Variants in CEP250 observed in about 807,000 individuals in gnomAD.
The protein encoded by CEP250 is centrosomal protein 250, also known as centrosome-associated protein CEP250.
In CEP250, 242 loss-of-function variants were observed where a neutral mutation model predicts 315.7. The ratio of observed to expected loss-of-function variants is 0.77; its 90% CI spans 0.69 to 0.85. CEP250 has a LOEUF of 0.85. CEP250 is among the 40% of genes least tolerant of loss of function. The pLI is 0.00. For missense variants in CEP250, 2,515 were observed against 2,886.4 expected, an observed-to-expected ratio of 0.87 and a Z score of 2.95; for synonymous variants, 1,088 against 1,175.0, an observed-to-expected ratio of 0.93 and a Z score of 1.51.
intron 17 of CEP250, among the ~76,000 whole-genome samples, chr20:35,478,903 T>C (rs2063253897): frequency 6.6e-6 from 1 of 152,194 alleles, no homozygotes; most frequent in African/African-American, 2.4e-5. Flanking sequence ...TTGTACGGAC[T>C]CTCCCTTCAC....
At chr20:35,498,308 T>C (rs2063902550) in intron 26 of CEP250, among the ~76,000 whole-genome samples, 1 of 152,246 alleles carries the variant, frequency 6.6e-6, no homozygotes, top group African/African-American at 2.4e-5. Flanking sequence ...GTTAAAAGTA[T>C]TTACCTTATA....
chr20:35,505,065 G>A, intron 30 of CEP250, 60 bp downstream of exon 30: 1 of 1,444,866 alleles, frequency 6.9e-7, no homozygotes, highest in Non-Finnish European at 9.3e-7. Context: ...CTGAGCTCAG[G>A]GACTGCCCAC....
chr20:35,511,239 G>A, intron 34 of CEP250, 124 bp from the exon 35 acceptor site: 1 of 756,920 alleles, frequency 1.3e-6, no homozygotes, highest in Non-Finnish European at 2.1e-6. Flanking sequence ...TGAGATTCGT[G>A]TATGTGGTAG....
chr20:35,457,512 T>C (rs2146625889), intron 1 of CEP250, among the ~76,000 whole-genome samples: 1 of 152,012 alleles, frequency 6.6e-6, no homozygotes, highest in Admixed American at 6.5e-5. Context: ...TACAGGTGAA[T>C]GCCACACAGC....
chr20:35,511,247 TAGAGTTGATTC>T, intron 34 of CEP250, 105 bp from the exon 35 acceptor site: 1 of 814,504 alleles, frequency 1.2e-6, no homozygotes, highest in Non-Finnish European at 2.0e-6. Flanking sequence ...GTGTATGTGG[TAGAGTTGATTC>T]AGATGATCAG....
At chr20:35,469,314 A>T (rs1208186723) in intron 9 of CEP250, among the ~76,000 whole-genome samples, 1 of 152,178 alleles carries the variant, frequency 6.6e-6, no homozygotes, top group Non-Finnish European at 1.5e-5. Flanking sequence ...AAATTGGAAA[A>T]AAATTTAAAC....
intron 25 of CEP250, among the ~76,000 whole-genome samples, 174 bp downstream of exon 25, chr20:35,496,889 C>G (rs888152999): frequency 6.6e-6 from 1 of 152,138 alleles, no homozygotes; most frequent in African/African-American, 2.4e-5. Context: ...CTAGACAAGG[C>G]GGGGGCTTGG....
rs1346227258 is a variant in CEP250 at position 35,503,728 on chromosome 20, C to T, written c.5359C>T (p.Leu1787=). 1.2e-6 allele frequency: 2 copies of T among 1,614,056 alleles called. No homozygotes were observed. The highest frequency in any genetic ancestry group is 1.3e-5 in the African/African-American group (1 of 75,022). ...GGAAATAGTGGTCCTGCAGCAGCAA[C>T]TGCAGGAAGCCAGGGAACAAGGGGA... The part of the protein sequence containing the change: ...EQEIVVLQQQ[L]QEAREQGELK... Residue 1787 remains leucine, a synonymous_variant, in exon 30 of 35, where the codon CTG becomes TTG. Transcript: ENST00000397527. This position sits in a 1 kb window ranked among gnomAD's most constrained non-coding sequence, Gnocchi z 4.2.
At chr20:35,505,124 G>T (rs1237977945) in intron 30 of CEP250, 119 bp downstream of exon 30, 7 of 801,418 alleles carry the variant, frequency 8.7e-6, no homozygotes, top group African/African-American at 1.7e-5. Context: ...CTGAGATCAT[G>T]AGCACCTCAA....
In CEP250 at chr20:35,477,945, C is replaced by A. The variant is rs116711353; in HGVS notation, c.1938C>A (p.Asp646Glu). The change falls in exon 17 of 35, where the codon GAC becomes GAA. Residue 646 changes from aspartate to glutamate, a missense_variant. Transcript: ENST00000397527. ...AGGCGAGAAATGCTTTGCAGGTCGA[C>A]CTGGCGGAGGCAGAGAAGAGGAGGG... Reference protein sequence around the residue: ...AEQARNALQVDLAEAEKRREA... With the variant: ...AEQARNALQVELAEAEKRREA... 2 of 1,611,314 alleles carry A rather than the reference C, an allele frequency of 1.2e-6. No homozygotes were observed. Among genetic ancestry groups the A allele is most frequent in the African/African-American group, 2.7e-5 (2 of 74,906 alleles).
At chr20:35,493,631 C>T in intron 23 of CEP250, 59 bp downstream of exon 23, 2 of 1,442,534 alleles carry the variant, frequency 1.4e-6, no homozygotes, top group Non-Finnish European at 1.8e-6. Context: ...CAGGCTTTCC[C>T]ACTTCCTCTT....
chr20:35,475,220 C>G (rs1020366067), intron 14 of CEP250, among the ~76,000 whole-genome samples: 13 of 152,178 alleles, frequency 8.5e-5, no homozygotes, highest in African/African-American at 3.1e-4. Flanking sequence ...TTTAGGCAAC[C>G]ATTTTAGCTG....
chr20:35,480,932 T>G (rs936055912), intron 20 of CEP250, among the ~76,000 whole-genome samples: 1 of 152,122 alleles, frequency 6.6e-6, no homozygotes, highest in African/African-American at 2.4e-5. Flanking sequence ...TTAACTTCTT[T>G]TAGAGGATTA....
At chr20:35,506,721 G>A (rs577028850) in intron 30 of CEP250, among the ~76,000 whole-genome samples, 17 of 152,160 alleles carry the variant, frequency 1.1e-4, no homozygotes, top group East Asian at 1.9e-4. Context: ...ACAGTAGTGC[G>A]GCTTATCAGC....
At chr20:35,467,678 C>G (rs2062922791) in intron 9 of CEP250, 123 bp downstream of exon 9, 1 of 1,145,646 alleles carries the variant, frequency 8.7e-7, no homozygotes, top group Admixed American at 2.5e-5. Context: ...AAGATGTGCC[C>G]AAGGAAATCT....
chr20:35,481,200 T>A (rs2063335461), intron 20 of CEP250: 1 of 152,132 alleles, frequency 6.6e-6, no homozygotes, highest in South Asian at 2.1e-4. Flanking sequence ...GGCAGATTGC[T>A]TGAGCCCAGG....
Position 35,512,345 on chromosome 20 carries a change from T to G in CEP250, c.*719T>G, listed in dbSNP as rs926000048. The G allele has an allele frequency of 6.6e-6, 1 of 151,804 alleles. No individual in the cohort carries two copies. Among genetic ancestry groups the G allele is most frequent in the Non-Finnish European group, 1.5e-5 (1 of 68,096 alleles). The allele number at this position is 151,804 out of a possible 1,614,324, so 9.4% of individuals were successfully genotyped here. A position where few individuals can be genotyped will look rare whatever the true frequency, so the allele number is the denominator to read the frequency against. On this transcript the variant is annotated 3_prime_UTR_variant, in exon 35 of 35. Coordinates refer to ENST00000397527, the MANE Select transcript of CEP250 (RefSeq NM_007186.6). ...AGACTGGTCTGACTGTGGCAGGGGGTTGGGGCTGAGCTTGGGTGGGTTGAG... is the reference window on the plus strand; with the variant it reads ...AGACTGGTCTGACTGTGGCAGGGGGGTGGGGCTGAGCTTGGGTGGGTTGAG...
At chr20:35,485,288 C>T (rs982912371) in intron 20 of CEP250, among the ~76,000 whole-genome samples, 28 of 151,096 alleles carry the variant, frequency 1.9e-4, no homozygotes, top group African/African-American at 2.9e-4. Flanking sequence ...ACAGGAGAAT[C>T]GCTTGAACCT....
At chr20:35,485,943 G>C (rs772204831) in intron 20 of CEP250, among the ~76,000 whole-genome samples, 1 of 150,150 alleles carries the variant, frequency 6.7e-6, no homozygotes, top group Non-Finnish European at 1.5e-5. Context: ...GATTACAGGC[G>C]TGAGCCACCA....
Sources: allele counts gnomAD v4.1 joint callset (sites outside exome capture counted in the v4.1 genomes callset), GRCh38; gene constraint gnomAD v4.1.1; non-coding constraint Gnocchi (gnomAD v3.1); transcripts MANE v1.5; gene names NCBI Gene and HGNC (gene_info 2026-07-23, HGNC 2026-07-21).